The following SMG7 variants were observed in gnomAD, a reference collection of about 807,000 sequenced individuals.
SMG7 encodes nonsense-mediated mRNA decay factor SMG7.
SMG7 carries 34 observed loss-of-function variants against 148.2 expected under a neutral mutation model. The ratio of observed to expected loss-of-function variants is 0.23; its 90% CI spans 0.17 to 0.31. The LOEUF (loss-of-function observed/expected upper bound fraction) is 0.31, where lower values mean the gene tolerates loss of function less well. SMG7 is among the 10% of genes least tolerant of loss of function. SMG7 has a pLI of 1.00. For synonymous variants in SMG7, 492 were observed against 515.1 expected (o/e 0.96, Z 0.61); for missense variants, 1,114 against 1,408.4 (o/e 0.79, Z 3.35).
chr1:183,472,741 G>A, intron 1 of SMG7, 92 bp downstream of exon 1: 3 of 1,171,152 alleles, frequency 2.6e-6, no homozygotes, highest in Non-Finnish European at 3.4e-6. Flanking sequence ...GGGGTGGCGG[G>A]GGAGTTGCTG....
chr1:183,552,156 GGA>G lies in SMG7; in HGVS notation c.*235_*236del, dbSNP rs1259042473. The G allele has an allele frequency of 1.8e-5, 21 of 1,196,292 alleles. No homozygotes were observed. Among genetic ancestry groups the G allele is most frequent in the Middle Eastern group, 3.4e-4 (1 of 2,938 alleles). 74.1% of individuals were successfully genotyped at this position (1,196,292 alleles called of 1,614,324 possible). A position where few individuals can be genotyped will look rare whatever the true frequency, so the allele number is the denominator to read the frequency against. On this transcript the variant is annotated 3_prime_UTR_variant, in exon 23 of 23. Transcript: ENST00000688051. Reference sequence around the variant, plus strand: ...TCCGTCCCCCCGGGGCCCTCCGGAGGGAGAGAGAGAGGAACTGCTGTTTATCT... The same window carrying G: ...TCCGTCCCCCCGGGGCCCTCCGGAGGGAGAGAGAGGAACTGCTGTTTATCT...
At chr1:183,475,453 A>G (rs888796635) in intron 1 of SMG7, among the ~76,000 whole-genome samples, 1 of 152,186 alleles carries the variant, frequency 6.6e-6, no homozygotes, top group Non-Finnish European at 1.5e-5. Context: ...TGGGTAGACA[A>G]TGGAGAATCT....
intron 1 of SMG7, among the ~76,000 whole-genome samples, chr1:183,492,459 A>G (rs1418807266): frequency 6.6e-6 from 1 of 151,916 alleles, no homozygotes; most frequent in African/African-American, 2.4e-5. Context: ...GATGACCACA[A>G]CTCTCTAGTA....
intron 1 of SMG7, among the ~76,000 whole-genome samples, chr1:183,476,869 AGAAT>A (rs779937858): frequency 6.6e-6 from 1 of 152,204 alleles, no homozygotes; most frequent in Non-Finnish European, 1.5e-5. Flanking sequence ...GATTTATGAC[AGAAT>A]GAAAGATTTT....
At chr1:183,522,713 A>T (rs1665014341) in intron 4 of SMG7, among the ~76,000 whole-genome samples, 1 of 151,988 alleles carries the variant, frequency 6.6e-6, no homozygotes, top group Non-Finnish European at 1.5e-5. Context: ...ATTAGAGTGG[A>T]TTGAGAAGAG....
In SMG7 at chr1:183,549,236, T is replaced by G; in HGVS notation, c.2921T>G (p.Leu974Arg). ...FKSLLEKPSELMSHSSSFLSL... is the reference protein window; with the variant it reads ...FKSLLEKPSERMSHSSSFLSL... The stretch of plus-strand genomic sequence containing the variant: ...TCCTTATTGGAGAAGCCCTCAGAGC[T>G]CATGTCACATTCATCCTCTTTCCTG... Residue 974 changes from leucine to arginine, a missense_variant, in exon 19 of 23, where the codon CTC becomes CGC. Around this residue, in one of 4 missense-constraint regions of SMG7, gnomAD observed 788 missense variants for 894.5 expected, o/e 0.88. Coordinates refer to ENST00000688051, the MANE Select transcript of SMG7 (RefSeq NM_001375584.1). 6.2e-7 allele frequency: 1 copy of G among 1,613,794 alleles called. No homozygotes were observed. The highest frequency in any genetic ancestry group is 8.5e-7 in the Non-Finnish European group (1 of 1,179,746).
intron 4 of SMG7, among the ~76,000 whole-genome samples, chr1:183,524,480 T>A (rs995438350): frequency 6.6e-6 from 1 of 152,148 alleles, no homozygotes. Flanking sequence ...CAAGTAAAGA[T>A]GGAGTAAATA....
At chr1:183,533,081 T>C in intron 8 of SMG7, 83 bp from the exon 9 acceptor site, 1 of 1,173,278 alleles carries the variant, frequency 8.5e-7, no homozygotes. Flanking sequence ...TGGTTCTAAA[T>C]GCAGACTACC....
rs889809684 is a variant in SMG7, at chr1:183,473,729, C to T, written c.29+1080C>T. 1.0e-5 allele frequency: 10 copies of T among 985,084 alleles called. No homozygotes were observed. The East Asian group carries it at 6.8e-4, about 67-fold the overall frequency. 61.0% of individuals were successfully genotyped at this position (985,084 alleles called of 1,614,324 possible). On this transcript the variant is annotated intron_variant, in intron 1 of 22. Coordinates refer to ENST00000688051, the MANE Select transcript of SMG7 (RefSeq NM_001375584.1). ...TCCTTTTTGTCTTTCAGGAGCAGAA[C>T]TAAGAAAGGGAGGCCTTATGGAAAG...
intron 4 of SMG7, among the ~76,000 whole-genome samples, chr1:183,522,349 A>G (rs1426375606): frequency 6.6e-6 from 1 of 152,198 alleles, no homozygotes; most frequent in Admixed American, 6.5e-5. Context: ...AATCAAGAAA[A>G]TGAGAGAGAG....
At chr1:183,513,131 T>A (rs1274279903) in intron 2 of SMG7, 2 of 366,394 alleles carry the variant, frequency 5.5e-6, no homozygotes, top group Non-Finnish European at 9.5e-6. Flanking sequence ...ACTTAATTTT[T>A]ATGAAACTTT....
rs202099879 is a variant in SMG7 at position 183,526,548 on chromosome 1, T to G, written c.313-48T>G. 4.3e-5 allele frequency: 56 copies of G among 1,305,988 alleles called. No homozygotes were observed. The Admixed American group carries it at 8.0e-4, about 19-fold the overall frequency. 80.9% of individuals were successfully genotyped at this position (1,305,988 alleles called of 1,614,324 possible). On this transcript the variant is annotated intron_variant, in intron 4 of 22. Coordinates refer to ENST00000688051, the MANE Select transcript of SMG7 (RefSeq NM_001375584.1). Reference sequence around the variant, plus strand: ...ATCTTACAGTTTATAAACTTTACTTTTAGAGCACTTGTGACTTACTACTAA... The same window carrying G: ...ATCTTACAGTTTATAAACTTTACTTGTAGAGCACTTGTGACTTACTACTAA...
chr1:183,533,224 C>G lies in SMG7; in HGVS notation c.904C>G (p.Leu302Val), dbSNP rs1667174515. ...GTTAGTTCATGTCACTGTCATTAAC[C>G]TGTTTCAACTTCATCACCTTCGTGA... ...QQLVHVTVIN[L>V]FQLHHLRDFS... The change falls in exon 9 of 23, where the codon CTG becomes GTG. Residue 302 changes from leucine to valine, a missense_variant. Physicochemically the swap from Leu to Val is conservative, Grantham distance 32. Around this residue, in one of 4 missense-constraint regions of SMG7, gnomAD observed 8 missense variants for 37.6 expected, o/e 0.21. Transcript: ENST00000688051. 1 of 1,613,842 alleles carries G rather than the reference C, an allele frequency of 6.2e-7. No individual in the cohort carries two copies. Among genetic ancestry groups the G allele is most frequent in the African/African-American group, 1.3e-5 (1 of 74,922 alleles).
intron 1 of SMG7, chr1:183,502,110 TTAAAC>T (rs1659859997): frequency 1.9e-6 from 1 of 526,746 alleles, no homozygotes; most frequent in Non-Finnish European, 3.1e-6. Flanking sequence ...CTAAGAAACA[TTAAAC>T]AAAAAAAGAA....
intron 1 of SMG7, among the ~76,000 whole-genome samples, chr1:183,477,243 A>T (rs1375726546): frequency 6.6e-6 from 1 of 151,984 alleles, no homozygotes; most frequent in Non-Finnish European, 1.5e-5. Flanking sequence ...TTCATACTCT[A>T]TGCTCCCTTC....
At chr1:183,496,992 C>T (rs1658635854) in intron 1 of SMG7, among the ~76,000 whole-genome samples, 1 of 152,182 alleles carries the variant, frequency 6.6e-6, no homozygotes, top group African/African-American at 2.4e-5. Flanking sequence ...TTACTCTTAA[C>T]ACTCCCTTGG....
rs1248525258 is a variant in SMG7 at position 183,529,390 on chromosome 1, C to G, written c.708-8C>G. Reference sequence around the variant, plus strand: ...TATGATTCATGGAATTTTTTTCTTTCATTTCAGCCGAGATGAGGTGAAAAC... The same window carrying G: ...TATGATTCATGGAATTTTTTTCTTTGATTTCAGCCGAGATGAGGTGAAAAC... On this transcript the variant is annotated splice_polypyrimidine_tract_variant and splice_region_variant and intron_variant, in intron 7 of 22. Coordinates refer to ENST00000688051, the MANE Select transcript of SMG7 (RefSeq NM_001375584.1). The G allele has an allele frequency of 2.9e-5, 47 of 1,600,200 alleles. No individual in the cohort carries two copies. Among genetic ancestry groups the G allele is most frequent in the Non-Finnish European group, 3.8e-5 (45 of 1,176,084 alleles).
chr1:183,550,350 G>A (rs557782104), intron 20 of SMG7, among the ~76,000 whole-genome samples: 23 of 152,202 alleles, frequency 1.5e-4, no homozygotes, highest in Non-Finnish European at 2.8e-4. Flanking sequence ...GACTACAGGT[G>A]CACACCACTG....
At chr1:183,475,678 A>G (rs1474311255) in intron 1 of SMG7, among the ~76,000 whole-genome samples, 1 of 152,204 alleles carries the variant, frequency 6.6e-6, no homozygotes, top group African/African-American at 2.4e-5. Context: ...TTGGTCCTGA[A>G]TAAGGTACTG....
Sources: allele counts gnomAD v4.1 joint callset (sites outside exome capture counted in the v4.1 genomes callset), GRCh38; gene constraint gnomAD v4.1.1; regional missense constraint gnomAD v4.1.1; transcripts MANE v1.5; gene names NCBI Gene and HGNC (gene_info 2026-07-23, HGNC 2026-07-21).